MAP2: variants seen among roughly 807,000 people sequenced by gnomAD.
MAP2 encodes the protein microtubule-associated protein 2.
A neutral mutation model predicts 137.6 loss-of-function variants in MAP2; 14 were observed. The observed-to-expected ratio is 0.10, with a 90% CI of 0.07 to 0.16. The LOEUF is 0.16. Among genes scored for constraint, MAP2 ranks in the 10% least tolerant of loss-of-function variants. The probability of loss-of-function intolerance (pLI) is 1.00; values close to 1 mark genes in which losing one functional copy is unlikely to be tolerated. For missense variants in MAP2, 2,088 were observed against 2,191.5 expected, an observed-to-expected ratio of 0.95 and a Z score of 0.94; for synonymous variants, 786 against 782.3, an observed-to-expected ratio of 1.00 and a Z score of -0.08.
chr2:209,669,420 A>T (rs1037449763), intron 5 of MAP2, among the ~76,000 whole-genome samples: 34 of 152,120 alleles, frequency 2.2e-4, no homozygotes, highest in African/African-American at 8.2e-4. Flanking sequence ...GAAGGATCAA[A>T]CAAAAGTTAG....
chr2:209,651,656 A>G (rs1249736100), intron 4 of MAP2, among the ~76,000 whole-genome samples: 17 of 152,192 alleles, frequency 1.1e-4, no homozygotes, highest in Non-Finnish European at 1.6e-4. Flanking sequence ...CCTTCAATCA[A>G]TGTTTTAAAA....
chr2:209,725,565 CTGTT>C (rs2073604346), intron 13 of MAP2, 140 bp from the exon 14 acceptor site: 5 of 440,704 alleles, frequency 1.1e-5, no homozygotes, highest in Non-Finnish European at 4.1e-6. Flanking sequence ...ATGTCTTCCT[CTGTT>C]TGTGTGTGTA....
chr2:209,475,894 C>A lies in MAP2; in HGVS notation c.-221-31698C>A, dbSNP rs533523490. Among the ~76,000 whole-genome samples, 11 of 152,218 alleles carry A rather than the reference C, an allele frequency of 7.2e-5. 1 individual carries two copies. The South Asian group carries it at 2.3e-3, about 32-fold the overall frequency. ...GAGTCTCTAGAAAAACTGTAAATTT[C>A]TTTTCTCTAGGAAAAACTGATGAGA... On this transcript the variant is annotated intron_variant, in intron 1 of 15. Coordinates refer to ENST00000682079, the MANE Select transcript of MAP2 (RefSeq NM_001375505.1).
At chr2:209,556,477 A>T (rs2070691596) in intron 2 of MAP2, among the ~76,000 whole-genome samples, 2 of 152,142 alleles carry the variant, frequency 1.3e-5, no homozygotes, top group South Asian at 4.1e-4. Flanking sequence ...CTGCATCCTA[A>T]ATCTGTAAGT....
intron 2 of MAP2, among the ~76,000 whole-genome samples, chr2:209,548,987 G>A (rs1162062518): frequency 2.6e-5 from 4 of 152,092 alleles, no homozygotes; most frequent in Admixed American, 2.6e-4. Context: ...CTAGTAAAGT[G>A]CCCTAACACA....
chr2:209,454,447 T>TGAG (rs1701062836), intron 1 of MAP2, among the ~76,000 whole-genome samples: 1 of 151,918 alleles, frequency 6.6e-6, no homozygotes, highest in South Asian at 2.1e-4. Context: ...CAATTCTCCC[T>TGAG]CCCTCAGCCT....
intron 2 of MAP2, among the ~76,000 whole-genome samples, chr2:209,541,778 G>C (rs1487934037): frequency 3.9e-5 from 6 of 152,102 alleles, no homozygotes; most frequent in Non-Finnish European, 7.4e-5. Flanking sequence ...ACATCTTCAG[G>C]CTTCACTTTT....
intron 1 of MAP2, among the ~76,000 whole-genome samples, chr2:209,465,394 T>C (rs887164442): frequency 6.6e-6 from 1 of 151,802 alleles, no homozygotes; most frequent in Non-Finnish European, 1.5e-5. Flanking sequence ...TTTTTCACAT[T>C]TTAAAAGGCA....
intron 4 of MAP2, among the ~76,000 whole-genome samples, chr2:209,634,153 C>T (rs1047924364): frequency 3.3e-5 from 5 of 152,180 alleles, no homozygotes; most frequent in African/African-American, 1.2e-4. Flanking sequence ...TCCCACTCCA[C>T]CTCCCACAGG....
chr2:209,717,117 C>G (rs1206519097), intron 13 of MAP2, among the ~76,000 whole-genome samples: 1 of 152,134 alleles, frequency 6.6e-6, no homozygotes, highest in Non-Finnish European at 1.5e-5. Context: ...TTAGTCTGTT[C>G]TCACATTGCT....
At chr2:209,528,457 A>T (rs2064452946) in intron 2 of MAP2, among the ~76,000 whole-genome samples, 1 of 152,178 alleles carries the variant, frequency 6.6e-6, no homozygotes, top group African/African-American at 2.4e-5. Flanking sequence ...AATTTATAAA[A>T]TAGCAATATA....
At chr2:209,514,668 T>C (rs1438958834) in intron 2 of MAP2, among the ~76,000 whole-genome samples, 1 of 152,126 alleles carries the variant, frequency 6.6e-6, no homozygotes, top group African/African-American at 2.4e-5. Context: ...TTAATGAATT[T>C]CTTTATTATG....
chr2:209,730,026 A>G, intron 15 of MAP2, 64 bp downstream of exon 15: 1 of 1,296,826 alleles, frequency 7.7e-7, no homozygotes, highest in Non-Finnish European at 1.1e-6. Context: ...AATACTCTTC[A>G]TCAAAATAGG....
intron 5 of MAP2, among the ~76,000 whole-genome samples, chr2:209,657,953 A>G (rs905459071): frequency 2.0e-5 from 3 of 152,212 alleles, no homozygotes; most frequent in African/African-American, 4.8e-5. Context: ...AGCGTAAATA[A>G]TAAGAGTAAT....
At chr2:209,588,279 C>G (rs1182002602) in intron 3 of MAP2, among the ~76,000 whole-genome samples, 3 of 152,232 alleles carry the variant, frequency 2.0e-5, no homozygotes, top group Non-Finnish European at 4.4e-5. Context: ...AAGATTGTCT[C>G]TCTTTCTCAA....
At chr2:209,724,628 C>A (rs1181072834) in intron 13 of MAP2, among the ~76,000 whole-genome samples, 1 of 152,080 alleles carries the variant, frequency 6.6e-6, no homozygotes, top group Non-Finnish European at 1.5e-5. Flanking sequence ...CTTCTACAAG[C>A]AGCTGTTGCC....
In MAP2 at chr2:209,694,978, C is replaced by T. The variant is rs570922955; in HGVS notation, c.2808C>T (p.Ser936=). 608 of 1,614,080 alleles carry T rather than the reference C, an allele frequency of 3.8e-4. No homozygotes were observed. Among genetic ancestry groups the T allele is most frequent in the Non-Finnish European group, 4.9e-4 (584 of 1,180,028 alleles). The change falls in exon 8 of 16, where the codon TCC becomes TCT. Residue 936 remains serine (S), a synonymous_variant. Coordinates refer to ENST00000682079, the MANE Select transcript of MAP2 (RefSeq NM_001375505.1). ...KDEFSVDKEA[S]AHISGDKSGL... ...AGTTCAGTGTTGACAAAGAAGCATC[C>T]GCGCATATCTCTGGTGACAAATCAG...
At chr2:209,557,581 T>C (rs917776301) in intron 2 of MAP2, among the ~76,000 whole-genome samples, 1 of 152,156 alleles carries the variant, frequency 6.6e-6, no homozygotes, top group Admixed American at 6.5e-5. Flanking sequence ...TTCTTCCAAG[T>C]GGGTTTACAA....
At chr2:209,486,660 T>C (rs895493644) in intron 1 of MAP2, among the ~76,000 whole-genome samples, 3 of 152,220 alleles carry the variant, frequency 2.0e-5, no homozygotes, top group African/African-American at 7.2e-5. Context: ...AATTTAACCA[T>C]CATTTGTAAT....
Sources: gnomAD v4.1 joint callset for allele counts (sites outside exome capture counted in the v4.1 genomes callset) on GRCh38, gnomAD v4.1.1 for gene constraint, MANE v1.5 for transcripts, NCBI Gene and HGNC (gene_info 2026-07-23, HGNC 2026-07-21) for gene names.